Variants in CALN1 observed in about 807,000 individuals in gnomAD.
CALN1 encodes the protein calcium-binding protein 8.
Under a neutral mutation model 30.6 loss-of-function variants are expected in CALN1, and 17 were observed. The observed-to-expected ratio is 0.56, with a 90% CI of 0.38 to 0.83. CALN1 has a LOEUF of 0.83. Among genes scored for constraint, CALN1 ranks in the 40% least tolerant of loss-of-function variants. The pLI, the probability that CALN1 is intolerant of heterozygous loss-of-function variation, is 0.00. For missense variants in CALN1, 291 were observed against 354.9 expected, an observed-to-expected ratio of 0.82 and a Z score of 1.45; for synonymous variants, 156 against 131.4, an observed-to-expected ratio of 1.19 and a Z score of -1.28.
At chr7:71,935,493 C>T (rs928393059) in intron 5 of CALN1, among the ~76,000 whole-genome samples, 1 of 152,104 alleles carries the variant, frequency 6.6e-6, no homozygotes, top group Admixed American at 6.6e-5. Context: ...GAGGCCGAGG[C>T]GGGCGGATCA....
At chr7:72,415,727 C>T (rs1471863306), upstream of CALN1, among the ~76,000 whole-genome samples, 1 of 152,178 alleles carries the variant, frequency 6.6e-6, no homozygotes, top group Non-Finnish European at 1.5e-5. Context: ...TGCTGGAAGC[C>T]TGAGCGGTGA....
At chr7:72,419,101 T>G (rs1807522750) in intron 1 of CALN1, among the ~76,000 whole-genome samples, 1 of 152,150 alleles carries the variant, frequency 6.6e-6, no homozygotes, top group South Asian at 2.1e-4. Context: ...GCCAAGAAGA[T>G]GGATGCCCAT....
intron 3 of CALN1, among the ~76,000 whole-genome samples, chr7:72,192,786 G>A (rs1046086913): frequency 2.1e-5 from 3 of 145,992 alleles, no homozygotes; most frequent in Non-Finnish European, 4.5e-5. Flanking sequence ...TATATCTCCC[G>A]ATGCTATCCC....
intron 3 of CALN1, among the ~76,000 whole-genome samples, chr7:72,247,247 T>TAGA (rs1795248579): frequency 8.6e-6 from 1 of 115,848 alleles, no homozygotes; most frequent in African/African-American, 3.6e-5. Context: ...TTTTTTTTTT[T>TAGA]TTTTTTTTTT....
chr7:71,955,592 A>C (rs940175324), intron 5 of CALN1, among the ~76,000 whole-genome samples: 1 of 152,026 alleles, frequency 6.6e-6, no homozygotes, highest in Non-Finnish European at 1.5e-5. Context: ...CGCTTTCCCC[A>C]CTGGTCTAAG....
chr7:72,387,224 AAGGAAGGGAAGGGAG>A (rs1254416934), intron 2 of CALN1, among the ~76,000 whole-genome samples: 7 of 81,672 alleles, frequency 8.6e-5, no homozygotes, highest in Non-Finnish European at 1.2e-4. Flanking sequence ...GAAGGAAGGG[AAGGAAGGGAAGGGAG>A]GGGAGGGAGG....
chr7:71,928,880 CA>C lies in CALN1; in HGVS notation c.501+94776del, dbSNP rs935504924. ...CGCCTCTACTAAAAATACAAAAATA[CA>C]AAAAAAAAAGAAATATTCTTGATTT... is the stretch of plus-strand genomic sequence containing the variant. On this transcript the variant is annotated intron_variant, in intron 5 of 6. Transcript: ENST00000395275. Among the ~76,000 whole-genome samples, 23 of 146,542 alleles carry C rather than the reference CA, an allele frequency of 1.6e-4. No individual in the cohort carries two copies. The South Asian group carries it at 3.3e-3, about 21-fold the overall frequency.
intron 5 of CALN1, among the ~76,000 whole-genome samples, chr7:71,934,940 C>G (rs542589859): frequency 3.0e-4 from 45 of 152,094 alleles, no homozygotes; most frequent in African/African-American, 1.1e-3. Context: ...TTCACTAATA[C>G]GAGAACAGCA....
intron 3 of CALN1, among the ~76,000 whole-genome samples, chr7:72,247,548 C>A (rs1353739515): frequency 6.6e-6 from 1 of 152,082 alleles, no homozygotes; most frequent in Non-Finnish European, 1.5e-5. Context: ...AGCCACCGTG[C>A]CCGCCCTCAA....
intron 5 of CALN1, among the ~76,000 whole-genome samples, chr7:71,950,283 C>A (rs1432324266): frequency 6.6e-6 from 1 of 152,076 alleles, no homozygotes; most frequent in Non-Finnish European, 1.5e-5. Flanking sequence ...TAATCTGTTC[C>A]AACTCCATCA....
At chr7:71,930,469 T>C (rs1046811533) in intron 5 of CALN1, among the ~76,000 whole-genome samples, 2 of 152,220 alleles carry the variant, frequency 1.3e-5, no homozygotes, top group African/African-American at 4.8e-5. Context: ...CACAAGCCCT[T>C]TATAAAGCTA....
chr7:72,276,735 G>A lies in CALN1; in HGVS notation c.244+1951C>T, dbSNP rs1261185972. Among the ~76,000 whole-genome samples the A allele has an allele frequency of 2.6e-5, 4 of 152,064 alleles. No individual in the cohort carries two copies. In the East Asian group the frequency reaches 7.7e-4, roughly 29 times the overall value. On this transcript the variant is annotated intron_variant, in intron 3 of 6. Coordinates refer to ENST00000395275, the MANE Select transcript of CALN1 (RefSeq NM_031468.4). The stretch of plus-strand genomic sequence containing the variant: ...CCACCTTCTGTCATGGGATGAAACA[G>A]CATGAAGGCCCTCACCAGATACCAG...
chr7:72,464,104 G>T, the CALN1 span, among the ~76,000 whole-genome samples: 3 of 151,072 alleles, frequency 2.0e-5, no homozygotes, highest in Admixed American at 6.6e-5. Flanking sequence ...AAGAAAGAGA[G>T]AGAAGAAAGA....
intron 2 of CALN1, among the ~76,000 whole-genome samples, chr7:72,360,739 T>C (rs1186609489): frequency 6.6e-6 from 1 of 150,578 alleles, no homozygotes; most frequent in Non-Finnish European, 1.5e-5. Context: ...CTTAAAAGTA[T>C]AATTTTGAGA....
At chr7:72,409,665 T>C (rs139222480) in intron 1 of CALN1, among the ~76,000 whole-genome samples, 237 of 152,094 alleles carry the variant, frequency 1.6e-3, no homozygotes, top group African/African-American at 5.5e-3. Context: ...ATCTAATGTT[T>C]GGGAATGGAG....
chr7:71,889,603 A>AG (rs776216620), intron 5 of CALN1, among the ~76,000 whole-genome samples: 11 of 152,096 alleles, frequency 7.2e-5, no homozygotes, highest in Non-Finnish European at 1.3e-4. Context: ...CCTATGAATA[A>AG]GGGGGGACAC....
At chr7:72,398,083 C>T (rs531227104) in intron 2 of CALN1, among the ~76,000 whole-genome samples, 1 of 152,218 alleles carries the variant, frequency 6.6e-6, no homozygotes, top group East Asian at 1.9e-4. Context: ...CCCTTGGACA[C>T]CTGTTAGGGA....
At chr7:71,977,951 A>G (rs531896467) in intron 5 of CALN1, among the ~76,000 whole-genome samples, 1 of 144,492 alleles carries the variant, frequency 6.9e-6, no homozygotes, top group Non-Finnish European at 1.5e-5. Flanking sequence ...AAAAAAAAAA[A>G]GCAATGCAAA....
intron 1 of CALN1, among the ~76,000 whole-genome samples, chr7:72,424,604 A>AT (rs1010843600): frequency 1.1e-4 from 16 of 150,754 alleles, no homozygotes; most frequent in African/African-American, 3.2e-4. Context: ...ATTTTATTTT[A>AT]TTTTTTTTTA....
Sources: gnomAD v4.1 joint callset for allele counts (sites outside exome capture counted in the v4.1 genomes callset) on GRCh38, gnomAD v4.1.1 for gene constraint, MANE v1.5 for transcripts, NCBI Gene and HGNC (gene_info 2026-07-23, HGNC 2026-07-21) for gene names.